The following NOL7 variants were observed in gnomAD, a reference collection of about 807,000 sequenced individuals.
The protein encoded by NOL7 is U3 small nucleolar RNA-associated protein NOL7.
A neutral mutation model predicts 38.4 loss-of-function variants in NOL7; 36 were observed. The ratio of observed to expected loss-of-function variants is 0.94; its 90% CI spans 0.72 to 1.24. The LOEUF is 1.24. NOL7 is among the 50% of genes most tolerant of loss of function. The probability of loss-of-function intolerance (pLI) is 0.00; values close to 1 mark genes in which losing one functional copy is unlikely to be tolerated. For missense variants in NOL7, 350 were observed against 315.1 expected (o/e 1.11, Z -0.84); for synonymous variants, 142 against 126.5 (o/e 1.12, Z -0.82).
rs1764328886 is a variant in NOL7 at position 13,617,755 on chromosome 6, G to T, written c.387-15G>T. ...TACTGCCATTGCAGTCAGTGGTTTT[G>T]TTTTTTTTCCTTAGCATCAAGAAAT... On this transcript the variant is annotated splice_polypyrimidine_tract_variant and intron_variant, in intron 3 of 7. Coordinates refer to ENST00000451315, the MANE Select transcript of NOL7 (RefSeq NM_016167.5). 6.2e-7 allele frequency: 1 copy of T among 1,610,820 alleles called. No individual in the cohort carries two copies. Among genetic ancestry groups the T allele is most frequent in the Non-Finnish European group, 8.5e-7 (1 of 1,177,456 alleles).
chr6:13,625,720 T>G (rs201533887), downstream of NOL7: 550 of 1,613,200 alleles, frequency 3.4e-4, 7 homozygotes, highest in South Asian at 5.6e-3. Context: ...GATTTCCAAC[T>G]GGGCTGTTCC....
intron 8 of NOL7, chr6:13,632,339 T>C (rs969050197): frequency 6.3e-7 from 1 of 1,599,388 alleles, no homozygotes; most frequent in Non-Finnish European, 8.5e-7. Flanking sequence ...CTCTGACATA[T>C]TCATAATTTT....
chr6:13,620,088 A>C (rs924582126), intron 5 of NOL7, 120 bp from the exon 6 acceptor site: 4 of 1,092,812 alleles, frequency 3.7e-6, no homozygotes, highest in Non-Finnish European at 5.1e-6. Context: ...TGGGAGGCAG[A>C]AGTTGCAGTG....
At chr6:13,615,683 CT>C in intron 1 of NOL7, 28 bp from the exon 2 acceptor site, 7 of 1,614,198 alleles carry the variant, frequency 4.3e-6, no homozygotes, top group Non-Finnish European at 5.9e-6. Context: ...TTGTCCTTCC[CT>C]TTGCTGACTT....
chr6:13,631,387 A>AT (rs939233862), intron 8 of NOL7, among the ~76,000 whole-genome samples: 8 of 152,058 alleles, frequency 5.3e-5, no homozygotes, highest in African/African-American at 1.7e-4. Context: ...CAGATTTCAG[A>AT]TTTTTTCAAA....
At chr6:13,622,203 A>G, downstream of NOL7, 1 of 660,708 alleles carries the variant, frequency 1.5e-6, no homozygotes. Flanking sequence ...AAGTTAGAAA[A>G]TCATTTGCAT....
At chr6:13,622,329 C>CACAA, downstream of NOL7, 1 of 1,468,514 alleles carries the variant, frequency 6.8e-7, no homozygotes, top group Admixed American at 2.4e-5. Flanking sequence ...GACTATATGC[C>CACAA]ACAATATAAG....
rs1018546594 is a variant in NOL7 at position 13,615,704 on chromosome 6, C to T, written c.267-8C>T. On this transcript the variant is annotated splice_region_variant and splice_polypyrimidine_tract_variant and intron_variant, in intron 1 of 7. Coordinates refer to ENST00000451315, the MANE Select transcript of NOL7 (RefSeq NM_016167.5). ...TTCCCTTTGCTGACTTATCACCCTTCCTCCCAGGGATAAAACGCTCCTGAA... is the reference window on the plus strand; with the variant it reads ...TTCCCTTTGCTGACTTATCACCCTTTCTCCCAGGGATAAAACGCTCCTGAA... 6.2e-6 allele frequency: 10 copies of T among 1,614,130 alleles called. No homozygotes were observed. In the African/African-American group the frequency reaches 9.3e-5, roughly 15 times the overall value.
At chr6:13,625,208 C>T (rs1764568566), downstream of NOL7, among the ~76,000 whole-genome samples, 1 of 152,160 alleles carries the variant, frequency 6.6e-6, no homozygotes, top group African/African-American at 2.4e-5. Flanking sequence ...TCTCCGATTC[C>T]TTCTACAGCA....
intron 5 of NOL7, 124 bp from the exon 6 acceptor site, chr6:13,620,084 G>T: frequency 9.6e-7 from 1 of 1,043,020 alleles, no homozygotes; most frequent in Admixed American, 2.9e-5. Flanking sequence ...AACCTGGGAG[G>T]CAGAAGTTGC....
intron 4 of NOL7, 26 bp downstream of exon 4, chr6:13,617,827 T>G: frequency 6.2e-7 from 1 of 1,603,466 alleles, no homozygotes; most frequent in Non-Finnish European, 8.5e-7. Context: ...TTTAACTAAC[T>G]TCTCATGTAA....
chr6:13,628,168 T>C (rs1177720191), intron 8 of NOL7, among the ~76,000 whole-genome samples: 1 of 152,202 alleles, frequency 6.6e-6, no homozygotes, highest in Non-Finnish European at 1.5e-5. Flanking sequence ...ACTGAGGCAG[T>C]GAATAGTAAG....
chr6:13,624,430 A>G (rs1764543388), downstream of NOL7, among the ~76,000 whole-genome samples: 1 of 152,196 alleles, frequency 6.6e-6, no homozygotes, highest in African/African-American at 2.4e-5. Flanking sequence ...TTGCAGGGCC[A>G]AACAGCACAG....
intron 3 of NOL7, among the ~76,000 whole-genome samples, chr6:13,616,910 C>T (rs898535896): frequency 6.6e-6 from 1 of 152,204 alleles, no homozygotes; most frequent in African/African-American, 2.4e-5. Flanking sequence ...TGCCACCAAC[C>T]TGTCCTTCCT....
intron 8 of NOL7, among the ~76,000 whole-genome samples, chr6:13,630,284 TAAATAA>T (rs1291933972): frequency 6.6e-6 from 1 of 152,182 alleles, no homozygotes; most frequent in Non-Finnish European, 1.5e-5. Context: ...CTATACTCTT[TAAATAA>T]AGATGATACA....
intron 5 of NOL7, among the ~76,000 whole-genome samples, chr6:13,619,428 C>T (rs953059584): frequency 3.3e-5 from 5 of 152,114 alleles, no homozygotes; most frequent in Admixed American, 3.3e-4. Context: ...GCTTGGTGGT[C>T]CAAATCATTA....
chr6:13,624,181 ACTC>A (rs1291148183), downstream of NOL7, among the ~76,000 whole-genome samples: 1 of 152,176 alleles, frequency 6.6e-6, no homozygotes, highest in African/African-American at 2.4e-5. Context: ...TGAGGACACT[ACTC>A]CTATTCCCAA....
downstream of NOL7, chr6:13,622,514 A>C: frequency 6.5e-7 from 1 of 1,549,868 alleles, no homozygotes; most frequent in Non-Finnish European, 8.7e-7. Flanking sequence ...TAATTTAAAA[A>C]TGAGAACAGC....
chr6:13,621,827 G>C (rs1764457111), downstream of NOL7: 1 of 152,576 alleles, frequency 6.6e-6, no homozygotes, highest in African/African-American at 2.4e-5. Context: ...TATTCACTCA[G>C]CTCCTGAGTA....
Sources: gnomAD v4.1 joint callset for allele counts (sites outside exome capture counted in the v4.1 genomes callset) on GRCh38, gnomAD v4.1.1 for gene constraint, MANE v1.5 for transcripts, NCBI Gene and HGNC (gene_info 2026-07-23, HGNC 2026-07-21) for gene names.